The following PDE7B variants were observed in gnomAD, a reference collection of about 807,000 sequenced individuals.
PDE7B encodes phosphodiesterase 7B.
A neutral mutation model predicts 56.2 loss-of-function variants in PDE7B; 29 were observed. That is an observed-to-expected ratio of 0.52 (90% CI 0.38 to 0.70). PDE7B has a LOEUF of 0.70. Among genes scored for constraint, PDE7B ranks in the 30% least tolerant of loss-of-function variants. The probability of loss-of-function intolerance (pLI) is 0.00; values close to 1 mark genes in which losing one functional copy is unlikely to be tolerated. For missense variants in PDE7B, 490 were observed against 565.0 expected (o/e 0.87, Z 1.35); for synonymous variants, 197 against 196.9 (o/e 1.00, Z 0.00).
intron 1 of PDE7B, among the ~76,000 whole-genome samples, chr6:135,919,930 A>G (rs1774038877): frequency 6.6e-6 from 1 of 152,206 alleles, no homozygotes; most frequent in South Asian, 2.1e-4. Flanking sequence ...AGAACTCTTT[A>G]AAATTAGCTC....
intron 8 of PDE7B, among the ~76,000 whole-genome samples, chr6:136,158,601 T>C (rs1778649812): frequency 6.6e-6 from 1 of 152,176 alleles, no homozygotes; most frequent in Admixed American, 6.5e-5. Flanking sequence ...TATTCTACCC[T>C]GAGATAAAGA....
At chr6:136,108,923 C>T (rs762501612) in intron 3 of PDE7B, 109 bp downstream of exon 3, 1 of 746,832 alleles carries the variant, frequency 1.3e-6, no homozygotes, top group East Asian at 2.5e-5. Context: ...TGCCTTCCTT[C>T]CTGAATCTCT....
At chr6:136,033,784 G>T (rs1486652674) in intron 2 of PDE7B, among the ~76,000 whole-genome samples, 1 of 152,060 alleles carries the variant, frequency 6.6e-6, no homozygotes, top group Non-Finnish European at 1.5e-5. Flanking sequence ...CTTCTACTTG[G>T]ACTGTATAGA....
chr6:135,882,263 G>A (rs970669490), intron 1 of PDE7B, among the ~76,000 whole-genome samples: 2 of 152,112 alleles, frequency 1.3e-5, no homozygotes, highest in African/African-American at 2.4e-5. Context: ...CAAAGACTTC[G>A]ATTAAATTAT....
chr6:135,896,787 G>A (rs542928271), intron 1 of PDE7B, among the ~76,000 whole-genome samples: 2 of 152,244 alleles, frequency 1.3e-5, no homozygotes, highest in Admixed American at 1.3e-4. Context: ...TCTTCAGTAT[G>A]CTTTCCAAAG....
Position 136,097,838 on chromosome 6 carries a change from C to G in PDE7B, c.83-10893C>G, listed in dbSNP as rs555868897. 4.6e-5 allele frequency among the ~76,000 whole-genome samples: 7 copies of G among 152,114 alleles called. No individual in the cohort carries two copies. In the South Asian group the frequency reaches 1.5e-3, roughly 32 times the overall value. Reference sequence around the variant, plus strand: ...ACACTTGGCTTTGTTATGATCTCTCCGATAAGCCATCCTCCTGCCACAAGT... The same window carrying G: ...ACACTTGGCTTTGTTATGATCTCTCGGATAAGCCATCCTCCTGCCACAAGT... On this transcript the variant is annotated intron_variant, in intron 2 of 12. Transcript: ENST00000308191.
At chr6:135,961,963 G>C (rs1049789641) in intron 2 of PDE7B, among the ~76,000 whole-genome samples, 2 of 152,120 alleles carry the variant, frequency 1.3e-5, no homozygotes, top group Non-Finnish European at 2.9e-5. Context: ...GCAACATCAA[G>C]AGTGAACTGT....
intron 1 of PDE7B, among the ~76,000 whole-genome samples, chr6:135,870,211 T>G (rs1775350199): frequency 1.3e-5 from 2 of 152,050 alleles, no homozygotes; most frequent in Non-Finnish European, 2.9e-5. Flanking sequence ...GTATTTACTA[T>G]AGGAATATAG....
At chr6:136,076,700 T>C (rs957412267) in intron 2 of PDE7B, among the ~76,000 whole-genome samples, 1 of 152,108 alleles carries the variant, frequency 6.6e-6, no homozygotes, top group Admixed American at 6.5e-5. Context: ...CTAAGATGTA[T>C]TCTCTGAGGA....
chr6:136,094,730 C>T (rs542852223), intron 2 of PDE7B: 4 of 152,294 alleles, frequency 2.6e-5, no homozygotes, highest in East Asian at 3.9e-4. Flanking sequence ...GGGGCAGGCA[C>T]GTTTTATCTG....
chr6:136,044,005 A>C (rs191321996), intron 2 of PDE7B: 1 of 152,248 alleles, frequency 6.6e-6, no homozygotes, highest in African/African-American at 2.4e-5. Flanking sequence ...CACCCAGACA[A>C]GACAAACCTC....
intron 8 of PDE7B, among the ~76,000 whole-genome samples, chr6:136,165,196 G>T (rs1462311765): frequency 4.6e-5 from 7 of 152,154 alleles, no homozygotes; most frequent in Non-Finnish European, 1.5e-5. Context: ...TCTGGAAGAG[G>T]AAGCTGTCAG....
At chr6:135,920,821 G>C (rs192948833) in intron 1 of PDE7B, among the ~76,000 whole-genome samples, 81 of 152,308 alleles carry the variant, frequency 5.3e-4, no homozygotes, top group Middle Eastern at 3.4e-3. Context: ...TTCCTGCGCA[G>C]AGTATCCAAT....
chr6:135,926,204 A>C (rs1774184974), intron 1 of PDE7B, among the ~76,000 whole-genome samples: 1 of 148,866 alleles, frequency 6.7e-6, no homozygotes, highest in African/African-American at 2.5e-5. Context: ...CTCCTGCCTC[A>C]GCCTCCCGAG....
chr6:135,921,724 G>C (rs1485433108), intron 1 of PDE7B, among the ~76,000 whole-genome samples: 1 of 151,908 alleles, frequency 6.6e-6, no homozygotes, highest in East Asian at 1.9e-4. Flanking sequence ...ATTAAACCAG[G>C]TACCAAAAAG....
At chr6:135,994,562 T>C (rs1224861899) in intron 2 of PDE7B, among the ~76,000 whole-genome samples, 1 of 152,190 alleles carries the variant, frequency 6.6e-6, no homozygotes, top group Non-Finnish European at 1.5e-5. Flanking sequence ...CCACAATTTA[T>C]AGAAGTCATG....
chr6:136,054,507 C>G (rs1776693580), intron 2 of PDE7B, among the ~76,000 whole-genome samples: 2 of 152,136 alleles, frequency 1.3e-5, no homozygotes, highest in Admixed American at 6.5e-5. Flanking sequence ...CAGCTTTGTT[C>G]TTTTGGCTTA....
At chr6:135,983,892 G>A (rs947715268) in intron 2 of PDE7B, among the ~76,000 whole-genome samples, 1 of 152,220 alleles carries the variant, frequency 6.6e-6, no homozygotes, top group Non-Finnish European at 1.5e-5. Flanking sequence ...GTTTACTCAG[G>A]TTTCTTCATT....
At chr6:135,871,734 CA>C (rs1326991361) in intron 1 of PDE7B, among the ~76,000 whole-genome samples, 1 of 151,858 alleles carries the variant, frequency 6.6e-6, no homozygotes, top group East Asian at 1.9e-4. Flanking sequence ...ATATTGGCTA[CA>C]ATAATCACTT....
Sources: allele counts gnomAD v4.1 joint callset (sites outside exome capture counted in the v4.1 genomes callset), GRCh38; gene constraint gnomAD v4.1.1; transcripts MANE v1.5; gene names NCBI Gene and HGNC (gene_info 2026-07-23, HGNC 2026-07-21).